Variants in NEDD9 observed in about 807,000 individuals in gnomAD.
The protein encoded by NEDD9 is enhancer of filamentation 1.
In NEDD9, 26 loss-of-function variants were observed where a neutral mutation model predicts 76.6. The ratio of observed to expected loss-of-function variants is 0.34; its 90% CI spans 0.25 to 0.47. The LOEUF (loss-of-function observed/expected upper bound fraction) is 0.47. Among genes scored for constraint, NEDD9 ranks in the 20% least tolerant of loss-of-function variants. The pLI, the probability that NEDD9 is intolerant of heterozygous loss-of-function variation, is 1.00. For missense variants in NEDD9, 937 were observed against 1,058.5 expected (o/e 0.89, Z 1.59); for synonymous variants, 392 against 414.2 (o/e 0.95, Z 0.65).
chr6:11,290,472 A>G (rs1352336186), intron 3 of NEDD9, among the ~76,000 whole-genome samples: 1 of 152,196 alleles, frequency 6.6e-6, no homozygotes, highest in Non-Finnish European at 1.5e-5. Context: ...AGGAGCCAAG[A>G]AGCATTTCCC....
intron 2 of NEDD9, among the ~76,000 whole-genome samples, chr6:11,197,990 G>A (rs1002035526): frequency 1.3e-5 from 2 of 152,050 alleles, no homozygotes; most frequent in Admixed American, 1.3e-4. Context: ...TCCCTGAGCT[G>A]GTACCCATAG....
At chr6:11,343,454 A>G (rs1181177755) in intron 1 of NEDD9, among the ~76,000 whole-genome samples, 1 of 151,940 alleles carries the variant, frequency 6.6e-6, no homozygotes, top group Non-Finnish European at 1.5e-5. Flanking sequence ...TACCTTCTCA[A>G]TGAGGCTTTC....
At chr6:11,189,504 AG>A (rs1206697844) in intron 5 of NEDD9, among the ~76,000 whole-genome samples, 3 of 152,200 alleles carry the variant, frequency 2.0e-5, no homozygotes, top group African/African-American at 7.2e-5. Flanking sequence ...TCTGGTGCAA[AG>A]GTCTTCTATT....
intron 3 of NEDD9, among the ~76,000 whole-genome samples, chr6:11,267,148 C>T (rs531449221): frequency 1.3e-5 from 2 of 152,326 alleles, no homozygotes; most frequent in South Asian, 2.1e-4. Context: ...TGCCTTCAAT[C>T]GCTTTTTCTG....
chr6:11,188,437 G>A (rs1486384040), intron 5 of NEDD9, 130 bp from the exon 6 acceptor site: 2 of 817,114 alleles, frequency 2.4e-6, no homozygotes, highest in Non-Finnish European at 4.1e-6. Context: ...TGCCCAGTGA[G>A]GCACTGTGAA....
intron 1 of NEDD9, among the ~76,000 whole-genome samples, chr6:11,220,980 G>C (rs1442596813): frequency 1.3e-5 from 2 of 152,208 alleles, no homozygotes; most frequent in Non-Finnish European, 2.9e-5. Flanking sequence ...CAATGTCACA[G>C]TCAACTTCTA....
Position 11,189,997 on chromosome 6 carries a change from G to T in NEDD9, c.1872C>A (p.Ser624Arg), listed in dbSNP as rs751167857. Residue 624 changes from serine to arginine, a missense_variant, in exon 5 of 7, where the codon AGC becomes AGA. Ser to Arg is a moderately radical substitution (Grantham distance 110, BLOSUM62 -1). Coordinates refer to ENST00000379446, the MANE Select transcript of NEDD9 (RefSeq NM_006403.4). ...GGACGTAATCGTAGTCATCCATCCA[G>T]CTCCTCTCAGAACCATCACTGCTGC... ...DCSSSDGSERSWMDDYDYVHL... is the reference protein window; with the variant it reads ...DCSSSDGSERRWMDDYDYVHL... The T allele has an allele frequency of 6.6e-7, 1 of 1,523,946 alleles. No individual in the cohort carries two copies. Among genetic ancestry groups the T allele is most frequent in the South Asian group, 1.3e-5 (1 of 75,734 alleles). The allele number at this position is 1,523,946 out of a possible 1,614,324, so 94.4% of individuals were successfully genotyped here.
At chr6:11,286,776 T>C (rs1207294240) in intron 3 of NEDD9, among the ~76,000 whole-genome samples, 1 of 152,158 alleles carries the variant, frequency 6.6e-6, no homozygotes, top group African/African-American at 2.4e-5. Context: ...AACTGATGTA[T>C]AGTGACAGAA....
chr6:11,290,725 C>T (rs140797417), intron 3 of NEDD9, among the ~76,000 whole-genome samples: 2 of 152,290 alleles, frequency 1.3e-5, no homozygotes, highest in East Asian at 3.9e-4. Flanking sequence ...GTGAACACTG[C>T]GCTGGGCTGT....
At chr6:11,296,709 C>A (rs1278788593) in intron 3 of NEDD9, among the ~76,000 whole-genome samples, 2 of 139,080 alleles carry the variant, frequency 1.4e-5, no homozygotes, top group Non-Finnish European at 3.1e-5. Flanking sequence ...TCCTTCCTTC[C>A]TTCCTTCCTT....
intron 2 of NEDD9, among the ~76,000 whole-genome samples, chr6:11,209,686 A>C (rs1758715381): frequency 6.6e-6 from 1 of 152,214 alleles, no homozygotes. Context: ...AAACAGATGA[A>C]GAAACCAAGG....
At chr6:11,349,935 A>G (rs1561843922) in intron 1 of NEDD9, among the ~76,000 whole-genome samples, 2 of 152,230 alleles carry the variant, frequency 1.3e-5, no homozygotes, top group South Asian at 4.1e-4. Flanking sequence ...AGTTAAAAAA[A>G]TAATCCTTGG....
rs1352232283 is a variant in NEDD9, at chr6:11,241,897, G to A, written c.13-28170C>T. 6.6e-6 allele frequency among the ~76,000 whole-genome samples: 1 copy of A among 152,224 alleles called. No homozygotes were observed. Among genetic ancestry groups the A allele is most frequent in the African/African-American group, 2.4e-5 (1 of 41,466 alleles). On this transcript the variant is annotated intron_variant, in intron 3 of 3. Coordinates refer to the NEDD9 transcript ENST00000397378. This position sits in a 1 kb window ranked among gnomAD's most constrained non-coding sequence, Gnocchi z 4.0. ...GCTGGCGCTCGTGAGCGCATGAAAG[G>A]AATCCGGATAATACAAGGCCTGGTG... is the stretch of plus-strand genomic sequence containing the variant.
chr6:11,347,377 G>C (rs554630876), intron 1 of NEDD9, among the ~76,000 whole-genome samples: 88 of 152,214 alleles, frequency 5.8e-4, no homozygotes, highest in Non-Finnish European at 1.1e-3. Flanking sequence ...TACTGAAACT[G>C]TTCCCAAAAA....
chr6:11,336,757 A>C (rs1582037319), intron 1 of NEDD9, among the ~76,000 whole-genome samples: 3 of 152,246 alleles, frequency 2.0e-5, no homozygotes, highest in Admixed American at 2.0e-4. Context: ...AACTTAAGAA[A>C]AATTAAAACT....
intron 2 of NEDD9, chr6:11,200,745 TTGA>T: frequency 7.3e-7 from 1 of 1,376,978 alleles, no homozygotes; most frequent in South Asian, 1.7e-5. Flanking sequence ...ACAGTGGTCC[TTGA>T]TGATCATCTG....
intron 2 of NEDD9, among the ~76,000 whole-genome samples, chr6:11,195,169 G>C (rs1459894809): frequency 1.3e-5 from 2 of 152,210 alleles, no homozygotes; most frequent in Non-Finnish European, 2.9e-5. Context: ...CTCCCCAGGC[G>C]CTCTCAAAAT....
rs138907391 is a variant in NEDD9 at position 11,204,960 on chromosome 6, C to G, written c.459+8321G>C. Among the ~76,000 whole-genome samples, 231 of 152,224 alleles carry G rather than the reference C, an allele frequency of 1.5e-3. 2 individuals are homozygous for G. Among genetic ancestry groups the G allele is most frequent in the African/African-American group, 5.2e-3 (218 of 41,542 alleles). ...TCAGTATTGAGGCTACTCCCTGGAC[C>G]TGAGGTGGGAGCCCTGGGCAGCAAC... On this transcript the variant is annotated intron_variant, in intron 2 of 6. Coordinates refer to ENST00000379446, the MANE Select transcript of NEDD9 (RefSeq NM_006403.4).
chr6:11,321,360 G>T (rs904055132), intron 2 of NEDD9, among the ~76,000 whole-genome samples: 1 of 152,228 alleles, frequency 6.6e-6, no homozygotes, highest in Non-Finnish European at 1.5e-5. Context: ...AATTCCCTGC[G>T]CATAGTGTGA....
Sources: allele counts gnomAD v4.1 joint callset (sites outside exome capture counted in the v4.1 genomes callset), GRCh38; gene constraint gnomAD v4.1.1; non-coding constraint Gnocchi (gnomAD v3.1); transcripts MANE v1.5; gene names NCBI Gene and HGNC (gene_info 2026-07-23, HGNC 2026-07-21).